The following TJAP1 variants were observed in gnomAD, a reference collection of about 807,000 sequenced individuals.
TJAP1 encodes tight junction associated protein 1.
A neutral mutation model predicts 42.0 loss-of-function variants in TJAP1; 27 were observed. The observed-to-expected ratio is 0.64, with a 90% CI of 0.47 to 0.89. The LOEUF is 0.89. TJAP1 is among the 40% of genes least tolerant of loss of function. The pLI is 0.00. For synonymous variants in TJAP1, 257 were observed against 288.4 expected, an observed-to-expected ratio of 0.89 and a Z score of 1.10; for missense variants, 712 against 726.9, an observed-to-expected ratio of 0.98 and a Z score of 0.24.
At chr6:43,490,675 A>T (rs1562251563) in intron 2 of TJAP1, among the ~76,000 whole-genome samples, 1 of 152,154 alleles carries the variant, frequency 6.6e-6, no homozygotes, top group Non-Finnish European at 1.5e-5. Context: ...CCCATGTGAG[A>T]TGTCACTCCC....
rs777954550 is a variant in TJAP1 at position 43,505,235 on chromosome 6, TA to T, written c.1055del (p.Tyr352SerfsTer9). 6.2e-7 allele frequency: 1 copy of T among 1,613,868 alleles called. No homozygotes were observed. The highest frequency in any genetic ancestry group is 1.3e-5 in the African/African-American group (1 of 74,884). On this transcript the variant is annotated frameshift_variant, in exon 11 of 11. Coordinates refer to ENST00000372449, the Ensembl canonical transcript of TJAP1. LOFTEE classifies it high-confidence loss of function. The surrounding 1 kb of genome is among the most constrained non-coding windows in gnomAD (Gnocchi z 5.5). ...CAACAGCCCCCTGCCCAACTGCACT[TA>T]CGCTACCCGCCAGGCCATTTCCCTG...
intron 5 of TJAP1, 138 bp from the exon 6 acceptor site, chr6:43,501,388 C>A: frequency 1.3e-6 from 1 of 763,828 alleles, no homozygotes; most frequent in Non-Finnish European, 2.2e-6. Flanking sequence ...TAGACTCAGA[C>A]TAAGACTCCA....
chr6:43,486,602 G>A (rs1332144533), intron 2 of TJAP1, among the ~76,000 whole-genome samples: 3 of 150,928 alleles, frequency 2.0e-5, no homozygotes, highest in Admixed American at 6.6e-5. Flanking sequence ...GTGATCCACC[G>A]GCCTCAGCCT....
chr6:43,499,262 G>A, intron 4 of TJAP1, 162 bp downstream of exon 4: 1 of 1,041,352 alleles, frequency 9.6e-7, no homozygotes, highest in East Asian at 2.7e-5. Context: ...TGCAGGTGGG[G>A]GTAATGTAGG....
chr6:43,501,095 G>C, intron 5 of TJAP1: 1 of 431,100 alleles, frequency 2.3e-6, no homozygotes, highest in Non-Finnish European at 4.2e-6. Context: ...AGCCACATGA[G>C]GCCTCTGGAG....
chr6:43,502,945 C>A, intron 8 of TJAP1: 1 of 505,478 alleles, frequency 2.0e-6, no homozygotes, highest in Non-Finnish European at 3.6e-6. Flanking sequence ...GATCAGAAGG[C>A]TACTTTTGAG....
chr6:43,506,053 C>T (rs146145333), exon 11 of TJAP1: 166 of 451,118 alleles, frequency 3.7e-4, no homozygotes, highest in Non-Finnish European at 5.2e-4. Flanking sequence ...CAGCTTGCCT[C>T]ATGGTTTTCC....
intron 2 of TJAP1, among the ~76,000 whole-genome samples, chr6:43,494,150 C>A (rs1003551392): frequency 6.6e-6 from 1 of 152,152 alleles, no homozygotes; most frequent in Non-Finnish European, 1.5e-5. Flanking sequence ...ACAGGGCAGG[C>A]GGCAACAGGC....
At position 43,491,017 on chromosome 6, in the gene TJAP1, G is replaced by A. The variant is rs972153854; in HGVS notation, c.-121-6864G>A. On this transcript the variant is annotated intron_variant, in intron 2 of 10. Coordinates refer to ENST00000372449, the Ensembl canonical transcript of TJAP1. The surrounding 1 kb of genome is among the most constrained non-coding windows in gnomAD (Gnocchi z 4.6). ...GTCACTCTAGATAGACTGTGGCTTCGGCTTCCGGAGGCAGTGTGGTGCTAG... is the reference window on the plus strand; with the variant it reads ...GTCACTCTAGATAGACTGTGGCTTCAGCTTCCGGAGGCAGTGTGGTGCTAG... Among the ~76,000 whole-genome samples the A allele has an allele frequency of 6.6e-6, 1 of 152,122 alleles. No homozygotes were observed. The highest frequency in any genetic ancestry group is 2.4e-5 in the African/African-American group (1 of 41,428).
At chr6:43,498,022 G>C (rs1359680923) in intron 3 of TJAP1, 45 bp downstream of exon 3, 3 of 152,224 alleles carry the variant, frequency 2.0e-5, no homozygotes, top group Non-Finnish European at 2.9e-5. Flanking sequence ...GCTCTCTTCT[G>C]GGGAGGGGCA....
rs1174686898 is a variant in TJAP1, at chr6:43,492,545, C to T, written c.-121-5336C>T. Among the ~76,000 whole-genome samples, 3 of 152,136 alleles carry T rather than the reference C, an allele frequency of 2.0e-5. No individual in the cohort carries two copies. The highest frequency in any genetic ancestry group is 2.1e-4 in the South Asian group (1 of 4,824). On this transcript the variant is annotated intron_variant, in intron 2 of 10. Transcript: ENST00000372449. This position sits in a 1 kb window ranked among gnomAD's most constrained non-coding sequence, Gnocchi z 4.2. ...ATGTATCTCAGGAACAGCTGCATGCCGGAAACTGGGGGCTGGTGGCAAGCA... is the reference window on the plus strand; with the variant it reads ...ATGTATCTCAGGAACAGCTGCATGCTGGAAACTGGGGGCTGGTGGCAAGCA...
intron 2 of TJAP1, among the ~76,000 whole-genome samples, chr6:43,482,205 C>T (rs1454243607): frequency 2.6e-5 from 4 of 152,140 alleles, no homozygotes; most frequent in Admixed American, 6.5e-5. Context: ...TTTCTGGATT[C>T]GGGTCACATT....
intron 2 of TJAP1, among the ~76,000 whole-genome samples, chr6:43,489,423 G>A (rs1020424140): frequency 6.6e-6 from 1 of 152,224 alleles, no homozygotes; most frequent in African/African-American, 2.4e-5. Context: ...CTGCCCCATT[G>A]TACTGTGCTT....
At chr6:43,479,814 A>G (rs776683215) in intron 2 of TJAP1, among the ~76,000 whole-genome samples, 16 of 152,150 alleles carry the variant, frequency 1.1e-4, no homozygotes, top group Non-Finnish European at 2.2e-4. Context: ...TACTAAAAAT[A>G]CAAAAATCGG....
intron 8 of TJAP1, 62 bp downstream of exon 8, chr6:43,502,679 G>A: frequency 6.5e-7 from 1 of 1,533,042 alleles, no homozygotes; most frequent in East Asian, 2.4e-5. Flanking sequence ...TGAGATCTGG[G>A]ATTGTGGGCC....
At chr6:43,488,482 A>G (rs1410158775) in intron 2 of TJAP1, among the ~76,000 whole-genome samples, 3 of 152,236 alleles carry the variant, frequency 2.0e-5, no homozygotes, top group African/African-American at 4.8e-5. Context: ...CAGGATGGAT[A>G]TAACAGCGAT....
At chr6:43,504,033 C>T (rs1791628441) in intron 10 of TJAP1, 3 of 518,658 alleles carry the variant, frequency 5.8e-6, no homozygotes, top group African/African-American at 1.9e-5. Context: ...GATCATGTTA[C>T]CCCAAGGGGT....
intron 2 of TJAP1, among the ~76,000 whole-genome samples, chr6:43,494,301 A>G (rs1358124036): frequency 6.6e-6 from 1 of 152,224 alleles, no homozygotes; most frequent in Non-Finnish European, 1.5e-5. Context: ...AGAGCATGGC[A>G]GAAGCTGGGG....
At chr6:43,487,625 A>G (rs1408471710) in intron 2 of TJAP1, among the ~76,000 whole-genome samples, 6 of 152,110 alleles carry the variant, frequency 3.9e-5, no homozygotes, top group Non-Finnish European at 5.9e-5. Flanking sequence ...AGGAAATATC[A>G]TGGAAGGGAA....
Sources: allele counts gnomAD v4.1 joint callset (sites outside exome capture counted in the v4.1 genomes callset), GRCh38; gene constraint gnomAD v4.1.1; non-coding constraint Gnocchi (gnomAD v3.1); transcripts MANE v1.5; gene names NCBI Gene and HGNC (gene_info 2026-07-23, HGNC 2026-07-21).